Variants in CACNA1C observed in about 807,000 individuals in gnomAD.
The protein encoded by CACNA1C is voltage-dependent L-type calcium channel subunit alpha-1C.
A neutral mutation model predicts 229.0 loss-of-function variants in CACNA1C; 30 were observed. The ratio of observed to expected loss-of-function variants is 0.13; its 90% CI spans 0.10 to 0.18. The LOEUF is 0.18. Among genes scored for constraint, CACNA1C ranks in the 10% least tolerant of loss-of-function variants. The pLI is 1.00. For missense variants in CACNA1C, 1,658 were observed against 2,845.0 expected, an observed-to-expected ratio of 0.58 and a Z score of 9.49; for synonymous variants, 1,114 against 1,132.5, an observed-to-expected ratio of 0.98 and a Z score of 0.33.
intron 37 of CACNA1C, chr12:2,668,563 C>G (rs533136924): frequency 4.3e-6 from 1 of 235,100 alleles, no homozygotes; most frequent in South Asian, 7.6e-5. Flanking sequence ...AAGCATGGCA[C>G]TAGCATTCTG....
Position 2,113,666 on chromosome 12 carries a change from A to G in CACNA1C, c.50-1558A>G, listed in dbSNP as rs73048398. The stretch of plus-strand genomic sequence containing the variant: ...TCACCGCCCACAGTAGCACCCTCTT[A>G]TCTGCGGCTTTTCTTGATCCTGCGG... On this transcript the variant is annotated intron_variant, in intron 1 of 46. Coordinates refer to ENST00000399655, the MANE Select transcript of CACNA1C (RefSeq NM_000719.7). Among the ~76,000 whole-genome samples the G allele has an allele frequency of 5.8e-3, 885 of 152,260 alleles. 8 individuals carry two copies. Among genetic ancestry groups the G allele is most frequent in the Non-Finnish European group, 8.4e-3 (571 of 68,022 alleles).
chr12:2,087,676 G>A (rs2068244217), intron 1 of CACNA1C, among the ~76,000 whole-genome samples: 2 of 152,206 alleles, frequency 1.3e-5, no homozygotes, highest in Non-Finnish European at 2.9e-5. Flanking sequence ...GAGAGGTTAA[G>A]TAATGTGCTT....
intron 3 of CACNA1C, among the ~76,000 whole-genome samples, chr12:2,323,786 C>T (rs913603967): frequency 3.3e-5 from 5 of 151,984 alleles, no homozygotes; most frequent in Admixed American, 2.0e-4. Flanking sequence ...ATGGAGGCTG[C>T]GTAGGGCATT....
In CACNA1C at chr12:2,027,353, CTCCTT is replaced by C. The variant is rs2047506946; in HGVS notation, c.139+56153_139+56157del. ...ATCAATCTTTCTTCTCTCCATCTCT[CTCCTT>C]CTGTCTTCCCCCCATTTGTTAAGCT... On this transcript the variant is annotated intron_variant, in intron 1 of 46. Transcript: ENST00000682462. Among the ~76,000 whole-genome samples, 3 of 152,320 alleles carry C rather than the reference CTCCTT, an allele frequency of 2.0e-5. No individual in the cohort carries two copies. The South Asian group carries it at 6.2e-4, about 32-fold the overall frequency.
At chr12:2,499,472 G>A (rs1030919071) in intron 7 of CACNA1C, among the ~76,000 whole-genome samples, 1 of 152,328 alleles carries the variant, frequency 6.6e-6, no homozygotes, top group South Asian at 2.1e-4. Flanking sequence ...GAGGAGAGGG[G>A]CTAGGGAAGC....
At chr12:2,637,267 ACT>A (rs1158060709) in intron 30 of CACNA1C, among the ~76,000 whole-genome samples, 10 of 151,886 alleles carry the variant, frequency 6.6e-5, no homozygotes, top group Admixed American at 5.3e-4. Flanking sequence ...CTATTTAAAA[ACT>A]CTATATAAAC....
At chr12:2,669,726 A>G (rs939223932) in intron 38 of CACNA1C, among the ~76,000 whole-genome samples, 17 of 152,206 alleles carry the variant, frequency 1.1e-4, no homozygotes, top group African/African-American at 3.6e-4. Flanking sequence ...CATCGCACAC[A>G]TTGTGCGGGC....
At chr12:2,652,520 A>G (rs11062294) in intron 32 of CACNA1C, among the ~76,000 whole-genome samples, 1 of 152,116 alleles carries the variant, frequency 6.6e-6, no homozygotes, top group Admixed American at 6.5e-5. Context: ...CTCTCCCCCC[A>G]TGGAGGGGCC....
intron 5 of CACNA1C, among the ~76,000 whole-genome samples, chr12:2,470,952 C>T (rs981196031): frequency 6.6e-6 from 1 of 152,104 alleles, no homozygotes; most frequent in Non-Finnish European, 1.5e-5. Context: ...CGTGCCTCAT[C>T]TTCCAAGTAG....
In CACNA1C at chr12:2,045,584, C is replaced by T. The variant is rs533682708; in HGVS notation, c.140-69640C>T. ...AGCATCCTCCATAGTGCAGCACCTT[C>T]GTCACCACTCACTTAAGCTCTAACA... On this transcript the variant is annotated intron_variant, in intron 1 of 46. Transcript: ENST00000682462. Among the ~76,000 whole-genome samples the T allele has an allele frequency of 1.9e-3, 290 of 152,294 alleles. 2 individuals carry two copies. The highest frequency in any genetic ancestry group is 2.0e-3 in the Non-Finnish European group (136 of 68,014).
intron 3 of CACNA1C, among the ~76,000 whole-genome samples, chr12:2,384,687 G>T (rs1320674043): frequency 1.3e-5 from 2 of 152,190 alleles, no homozygotes; most frequent in Non-Finnish European, 2.9e-5. Flanking sequence ...TGGGCAACCT[G>T]CAACCTGGGT....
chr12:2,352,999 G>C (rs1397626445), intron 3 of CACNA1C, among the ~76,000 whole-genome samples: 1 of 152,220 alleles, frequency 6.6e-6, no homozygotes, highest in Non-Finnish European at 1.5e-5. Context: ...GGAAGAAAAG[G>C]GGGGATTGTT....
chr12:2,318,615 C>T (rs1401927883), intron 3 of CACNA1C, among the ~76,000 whole-genome samples: 1 of 152,222 alleles, frequency 6.6e-6, no homozygotes, highest in Non-Finnish European at 1.5e-5. Context: ...TCCCAGAAAT[C>T]AGAGGAGTCA....
intron 1 of CACNA1C, among the ~76,000 whole-genome samples, chr12:1,985,240 C>T (rs1312818152): frequency 6.6e-6 from 1 of 152,066 alleles, no homozygotes; most frequent in Non-Finnish European, 1.5e-5. Flanking sequence ...ACTTCAATGG[C>T]ACAAATTAGA....
At chr12:2,443,155 C>T in intron 3 of CACNA1C, among the ~76,000 whole-genome samples, 1 of 152,310 alleles carries the variant, frequency 6.6e-6, no homozygotes, top group Middle Eastern at 3.4e-3. Context: ...GAAGGCAAAT[C>T]CCTTCCACCT....
intron 1 of CACNA1C, among the ~76,000 whole-genome samples, chr12:2,072,810 G>A (rs1207168207): frequency 6.6e-6 from 1 of 152,188 alleles, no homozygotes; most frequent in Non-Finnish European, 1.5e-5. Flanking sequence ...ACCGAAGACA[G>A]GGCAGACTGT....
chr12:2,602,814 G>T lies in CACNA1C; in HGVS notation c.2960+854G>T, dbSNP rs915955981. 1.3e-5 allele frequency among the ~76,000 whole-genome samples: 2 copies of T among 152,154 alleles called. No homozygotes were observed. The highest frequency in any genetic ancestry group is 2.9e-5 in the Non-Finnish European group (2 of 68,030). On this transcript the variant is annotated intron_variant, in intron 22 of 46. Transcript: ENST00000399655. The surrounding 1 kb of genome is among the most constrained non-coding windows in gnomAD (Gnocchi z 4.4). ...CAGTTTCTACCAAGTTCTAACAGCT[G>T]ATAGTGTGAATCCTACACTTTAACT...
At chr12:2,471,316 T>C (rs1386397997) in intron 5 of CACNA1C, among the ~76,000 whole-genome samples, 1 of 152,218 alleles carries the variant, frequency 6.6e-6, no homozygotes, top group African/African-American at 2.4e-5. Flanking sequence ...CACTCAACAA[T>C]GTTTTTATTT....
chr12:2,141,574 A>G (rs930839992), intron 3 of CACNA1C, among the ~76,000 whole-genome samples: 2 of 151,378 alleles, frequency 1.3e-5, no homozygotes, highest in Admixed American at 6.6e-5. Flanking sequence ...CTCTACATCC[A>G]GATCCATAAG....
Sources: allele counts gnomAD v4.1 joint callset (sites outside exome capture counted in the v4.1 genomes callset), GRCh38; gene constraint gnomAD v4.1.1; non-coding constraint Gnocchi (gnomAD v3.1); transcripts MANE v1.5; gene names NCBI Gene and HGNC (gene_info 2026-07-23, HGNC 2026-07-21).